The following TSPAN13 variants were observed in gnomAD, a reference collection of about 807,000 sequenced individuals.
TSPAN13 encodes tetraspanin 13, also known as tetraspanin-13.
Under a neutral mutation model 26.9 loss-of-function variants are expected in TSPAN13, and 18 were observed. The observed-to-expected ratio is 0.67, with a 90% confidence interval of 0.46 to 0.99. The LOEUF is 0.99. Among genes scored for constraint, TSPAN13 ranks in the 50% least tolerant of loss-of-function variants. The pLI is 0.00. For missense variants in TSPAN13, 201 were observed against 249.6 expected, an observed-to-expected ratio of 0.81 and a Z score of 1.31; for synonymous variants, 116 against 98.4, an observed-to-expected ratio of 1.18 and a Z score of -1.06.
chr7:16,755,901 C>T (rs1784476854), intron 1 of TSPAN13, among the ~76,000 whole-genome samples: 1 of 151,986 alleles, frequency 6.6e-6, no homozygotes, highest in Admixed American at 6.6e-5. Context: ...AATTATTGAC[C>T]TTCAAAGTGT....
At chr7:16,776,938 G>C (rs2115335197) in intron 2 of TSPAN13, 104 bp from the exon 3 acceptor site, 1 of 659,466 alleles carries the variant, frequency 1.5e-6, no homozygotes, top group Non-Finnish European at 2.6e-6. Context: ...TCTGTATTCT[G>C]GGTTAATTAC....
intron 1 of TSPAN13, among the ~76,000 whole-genome samples, chr7:16,762,972 C>T (rs1033100705): frequency 3.3e-5 from 5 of 152,124 alleles, no homozygotes; most frequent in African/African-American, 7.2e-5. Context: ...GAACCCATGA[C>T]CACATTCAAG....
At position 16,777,812 on chromosome 7, in the gene TSPAN13, G is replaced by A. The variant is rs1334364441; in HGVS notation, c.327G>A (p.Glu109=). Residue 109 remains glutamate (E), a synonymous_variant, in exon 4 of 6, where the codon GAG becomes GAA. Transcript: ENST00000262067. The stretch of plus-strand genomic sequence containing the variant: ...ACATTTACTAGGGTCAGCTTCTGGA[G>A]GTTGGTTGGAACAATACGGCAAGTG... ...LNQEQQGQLL[E]VGWNNTASAR... 28 of 1,613,398 alleles carry A rather than the reference G, an allele frequency of 1.7e-5. No individual in the cohort carries two copies. The highest frequency in any genetic ancestry group is 2.2e-5 in the East Asian group (1 of 44,870).
At position 16,764,184 on chromosome 7, in the gene TSPAN13, AT is replaced by A. The variant is rs60512988; in HGVS notation, c.63+10170del. On this transcript the variant is annotated intron_variant, in intron 1 of 5. Coordinates refer to ENST00000262067, the MANE Select transcript of TSPAN13 (RefSeq NM_014399.4). ...AGGCACATGCCACCATGCCCAGCTAATTTTTTTTTTTTTTTTGTATTTTTAG... is the reference window on the plus strand; with the variant it reads ...AGGCACATGCCACCATGCCCAGCTAATTTTTTTTTTTTTTTGTATTTTTAG... Among the ~76,000 whole-genome samples the A allele has an allele frequency of 1.5e-3, 218 of 144,292 alleles. 1 individual carries two copies. Among genetic ancestry groups the A allele is most frequent in the Middle Eastern group, 3.6e-3 (1 of 280 alleles). 94.7% of individuals were successfully genotyped at this position (144,292 alleles called of 152,430 possible).
chr7:16,763,592 T>G (rs1468188942), intron 1 of TSPAN13, among the ~76,000 whole-genome samples: 2 of 152,234 alleles, frequency 1.3e-5, no homozygotes, highest in African/African-American at 4.8e-5. Flanking sequence ...GTTGTCCTTA[T>G]ACCTTGCTAG....
chr7:16,772,649 A>G (rs768219278), intron 1 of TSPAN13, among the ~76,000 whole-genome samples: 23 of 152,192 alleles, frequency 1.5e-4, no homozygotes, highest in Non-Finnish European at 2.9e-4. Flanking sequence ...ATCTAGGATA[A>G]GCACCTCCTT....
intron 1 of TSPAN13, among the ~76,000 whole-genome samples, chr7:16,755,872 C>G (rs960199062): frequency 6.6e-6 from 1 of 152,068 alleles, no homozygotes; most frequent in Admixed American, 6.5e-5. Flanking sequence ...CATATTAAGA[C>G]TATTTAATAT....
intron 4 of TSPAN13, 37 bp from the exon 5 acceptor site, chr7:16,778,966 T>A: frequency 1.4e-6 from 2 of 1,474,598 alleles, no homozygotes; most frequent in Non-Finnish European, 1.9e-6. Context: ...TATAAATGTA[T>A]TTTGAAATAA....
chr7:16,769,664 A>G (rs1562519067), intron 1 of TSPAN13, among the ~76,000 whole-genome samples: 1 of 150,900 alleles, frequency 6.6e-6, no homozygotes, highest in African/African-American at 2.4e-5. Flanking sequence ...ACCAATTTTA[A>G]TTTTTTTTTG....
At chr7:16,783,163 T>C (rs1784832084) in intron 5 of TSPAN13, among the ~76,000 whole-genome samples, 2 of 152,166 alleles carry the variant, frequency 1.3e-5, no homozygotes, top group Non-Finnish European at 2.9e-5. Flanking sequence ...GGTAACATAT[T>C]TGCAGGTCGT....
At chr7:16,758,609 G>A (rs1223627788) in intron 1 of TSPAN13, among the ~76,000 whole-genome samples, 3 of 152,140 alleles carry the variant, frequency 2.0e-5, no homozygotes, top group East Asian at 3.9e-4. Context: ...GTTACTTTTA[G>A]TCTGCAATGA....
chr7:16,778,456 G>T (rs988184006), intron 4 of TSPAN13, among the ~76,000 whole-genome samples: 4 of 152,162 alleles, frequency 2.6e-5, no homozygotes, highest in Admixed American at 6.5e-5. Flanking sequence ...TGGGTCCTTT[G>T]CTCACCTGGC....
rs368415829 is a variant in TSPAN13, at chr7:16,768,459, A to G, written c.64-7752A>G. The stretch of plus-strand genomic sequence containing the variant: ...TCTCACTCTGTGCACAGCTTTTCCC[A>G]TCTGGAAAATGGAAGCAACAGTACC... On this transcript the variant is annotated intron_variant, in intron 1 of 5. Coordinates refer to ENST00000262067, the MANE Select transcript of TSPAN13 (RefSeq NM_014399.4). 3.3e-5 allele frequency among the ~76,000 whole-genome samples: 5 copies of G among 152,270 alleles called. No individual in the cohort carries two copies. The East Asian group carries it at 5.8e-4, about 18-fold the overall frequency.
In TSPAN13 at chr7:16,783,462, C is replaced by T; in HGVS notation, c.586C>T (p.Pro196Ser). 1 of 1,613,748 alleles carries T rather than the reference C, an allele frequency of 6.2e-7. No individual in the cohort carries two copies. The highest frequency in any genetic ancestry group is 8.5e-7 in the Non-Finnish European group (1 of 1,179,816). The change falls in exon 6 of 6, where the codon CCC becomes TCC. Residue 196 changes from proline to serine, a missense_variant. Transcript: ENST00000262067. ...LTYRYRNQKD[P>S]RANPSAFL is the part of the protein sequence containing the mutation. ...CTACAGATACAGGAACCAGAAAGAC[C>T]CCCGCGCGAATCCTAGTGCATTCCT...
chr7:16,769,884 A>T (rs1289519610), intron 1 of TSPAN13, among the ~76,000 whole-genome samples: 1 of 152,152 alleles, frequency 6.6e-6, no homozygotes, highest in Non-Finnish European at 1.5e-5. Context: ...CATTAGCTAG[A>T]ATAATCTTTC....
chr7:16,776,758 A>G (rs1005453346), intron 2 of TSPAN13, among the ~76,000 whole-genome samples: 1 of 152,120 alleles, frequency 6.6e-6, no homozygotes, highest in African/African-American at 2.4e-5. Context: ...ATCTATACCT[A>G]TGTCTGTTTT....
intron 1 of TSPAN13, among the ~76,000 whole-genome samples, chr7:16,766,391 A>G (rs1172138690): frequency 2.0e-5 from 3 of 152,184 alleles, no homozygotes; most frequent in South Asian, 2.1e-4. Context: ...ACAAATGAGA[A>G]TGTGTATTTG....
At chr7:16,758,113 G>C (rs1419924688) in intron 1 of TSPAN13, among the ~76,000 whole-genome samples, 1 of 152,108 alleles carries the variant, frequency 6.6e-6, no homozygotes. Flanking sequence ...GGGATTACAA[G>C]CATGAGCACT....
chr7:16,766,064 G>A (rs1784600262), intron 1 of TSPAN13, among the ~76,000 whole-genome samples: 1 of 152,176 alleles, frequency 6.6e-6, no homozygotes, highest in Admixed American at 6.5e-5. Context: ...TTTTAGTAAA[G>A]TTAAGGATAC....
Sources: allele counts gnomAD v4.1 joint callset (sites outside exome capture counted in the v4.1 genomes callset), GRCh38; gene constraint gnomAD v4.1.1; transcripts MANE v1.5; gene names NCBI Gene and HGNC (gene_info 2026-07-23, HGNC 2026-07-21).